The following PCP4L1 variants were observed in gnomAD, a reference collection of about 807,000 sequenced individuals.
The protein encoded by PCP4L1 is Purkinje cell protein 4 like 1.
PCP4L1 carries 9 observed loss-of-function variants against 9.6 expected under a neutral mutation model. The ratio of observed to expected loss-of-function variants is 0.94; its 90% confidence interval spans 0.57 to 1.64. The LOEUF is 1.64. Among genes scored for constraint, PCP4L1 ranks in the 40% most tolerant of loss-of-function variants. PCP4L1 has a pLI of 0.00. For missense variants in PCP4L1, 81 were observed against 80.8 expected, an observed-to-expected ratio of 1.00 and a Z score of -0.01; for synonymous variants, 31 against 28.2, an observed-to-expected ratio of 1.10 and a Z score of -0.31.
At chr1:161,260,784 G>A (rs1056965596) in intron 1 of PCP4L1, among the ~76,000 whole-genome samples, 3 of 152,172 alleles carry the variant, frequency 2.0e-5, no homozygotes, top group African/African-American at 7.2e-5. Flanking sequence ...GATGAGAGAA[G>A]GATCCACGGA....
chr1:161,283,312 A>G (rs1205722039), intron 1 of PCP4L1, among the ~76,000 whole-genome samples: 1 of 152,086 alleles, frequency 6.6e-6, no homozygotes, highest in Non-Finnish European at 1.5e-5. Flanking sequence ...GTATTCCTCC[A>G]TTTCCACCCC....
chr1:161,258,938 G>A lies in PCP4L1; in HGVS notation c.-37G>A. The A allele has an allele frequency of 1.3e-6, 2 of 1,534,874 alleles. No homozygotes were observed. The highest frequency in any genetic ancestry group is 1.7e-6 in the Non-Finnish European group (2 of 1,146,174). On this transcript the variant is annotated 5_prime_UTR_variant, in exon 1 of 3. Transcript: ENST00000504449. Reference sequence around the variant, plus strand: ...CCCGAGGGCCACTCGCCTCACCTGTGCGTGCAGCGCCTCGCGCGCCCTGTC... The same window carrying A: ...CCCGAGGGCCACTCGCCTCACCTGTACGTGCAGCGCCTCGCGCGCCCTGTC...
In PCP4L1 at chr1:161,259,097, T is replaced by C. The variant is rs1168078274; in HGVS notation, c.9+114T>C. Reference sequence around the variant, plus strand: ...GGCAGACCGGAGCCGCGAAGAACCCTCCAGGGGCGCCCCACTGCCCTCCTA... The same window carrying C: ...GGCAGACCGGAGCCGCGAAGAACCCCCCAGGGGCGCCCCACTGCCCTCCTA... On this transcript the variant is annotated intron_variant, in intron 1 of 2. Transcript: ENST00000504449. 16 of 1,404,756 alleles carry C rather than the reference T, an allele frequency of 1.1e-5. No individual in the cohort carries two copies. In the East Asian group the frequency reaches 4.3e-4, roughly 37 times the overall value. 87.0% of individuals were successfully genotyped at this position (1,404,756 alleles called of 1,614,324 possible). A position where few individuals can be genotyped will look rare whatever the true frequency, so the allele number is the denominator to read the frequency against.
intron 1 of PCP4L1, among the ~76,000 whole-genome samples, chr1:161,283,058 C>T (rs1437745183): frequency 6.6e-6 from 1 of 152,124 alleles, no homozygotes; most frequent in Non-Finnish European, 1.5e-5. Context: ...ACTTCTAAAG[C>T]CCTACATAAT....
chr1:161,284,363 C>CGGAGGA lies in PCP4L1; in HGVS notation c.100_105dup (p.Glu34_Glu35dup). ...GGAAAAGCTGGCAATGTCAAGAAGG[C>CGGAGGA]GGAGGAGGAGGAGGAGATTGACATT... On this transcript the variant is annotated inframe_insertion, in exon 3 of 3. Coordinates refer to ENST00000504449, the MANE Select transcript of PCP4L1 (RefSeq NM_001102566.2). The CGGAGGA allele has an allele frequency of 6.2e-7, 1 of 1,613,640 alleles. No individual in the cohort carries two copies.
rs1669364916 is a variant in PCP4L1 at position 161,258,830 on chromosome 1, G to A, written c.-145G>A. On this transcript the variant is annotated 5_prime_UTR_variant, in exon 1 of 3. Coordinates refer to ENST00000504449, the MANE Select transcript of PCP4L1 (RefSeq NM_001102566.2). ...CCCGGGTGCCAGCACCAGAGCAGCG[G>A]CTCTCCGCACTAACTCTCCTCTCCT... is the stretch of plus-strand genomic sequence containing the variant. The A allele has an allele frequency of 1.6e-6, 2 of 1,267,698 alleles. No individual in the cohort carries two copies. 78.5% of individuals were successfully genotyped at this position (1,267,698 alleles called of 1,614,324 possible).
intron 1 of PCP4L1, among the ~76,000 whole-genome samples, chr1:161,269,762 G>A (rs1299686424): frequency 6.6e-6 from 1 of 152,188 alleles, no homozygotes; most frequent in Non-Finnish European, 1.5e-5. Flanking sequence ...ACTTTGGGAG[G>A]CCGAGGCAGG....
At chr1:161,259,052 A>G (rs1261589906) in intron 1 of PCP4L1, 69 bp downstream of exon 1, 4 of 1,511,934 alleles carry the variant, frequency 2.6e-6, no homozygotes, top group Non-Finnish European at 3.5e-6. Flanking sequence ...TCGGGATCCC[A>G]GGGAGGCGAG....
At chr1:161,275,543 G>T (rs1205918596) in intron 1 of PCP4L1, among the ~76,000 whole-genome samples, 1 of 149,768 alleles carries the variant, frequency 6.7e-6, no homozygotes, top group African/African-American at 2.5e-5. Flanking sequence ...AAGAATCAGA[G>T]TCCAGATTTT....
At chr1:161,272,336 G>A (rs993943435) in intron 1 of PCP4L1, among the ~76,000 whole-genome samples, 1 of 151,692 alleles carries the variant, frequency 6.6e-6, no homozygotes, top group Non-Finnish European at 1.5e-5. Flanking sequence ...GAGGCGGGTA[G>A]ATCATGAGGT....
chr1:161,268,893 C>T (rs537916985), intron 1 of PCP4L1, among the ~76,000 whole-genome samples: 123 of 152,200 alleles, frequency 8.1e-4, no homozygotes, highest in African/African-American at 2.8e-3. Context: ...TGCAGATGAG[C>T]GATCTGAGCA....
chr1:161,280,357 C>A (rs1387859812), intron 1 of PCP4L1, among the ~76,000 whole-genome samples: 1 of 152,180 alleles, frequency 6.6e-6, no homozygotes, highest in African/African-American at 2.4e-5. Context: ...CACCCCCTCT[C>A]TCCTATTCCA....
Position 161,258,806 on chromosome 1 carries a change from C to A in PCP4L1, c.-169C>A, listed in dbSNP as rs1669364349. 1.9e-6 allele frequency: 2 copies of A among 1,080,954 alleles called. No homozygotes were observed. The highest frequency in any genetic ancestry group is 1.6e-5 in the African/African-American group (1 of 62,728). The allele number at this position is 1,080,954 out of a possible 1,614,324, so 67.0% of individuals were successfully genotyped here. On this transcript the variant is annotated 5_prime_UTR_variant, in exon 1 of 3. Transcript: ENST00000504449. ...TGGCCGGAGCTGGGCTCCGAGAATCCCGGGTGCCAGCACCAGAGCAGCGGC... is the reference window on the plus strand; with the variant it reads ...TGGCCGGAGCTGGGCTCCGAGAATCACGGGTGCCAGCACCAGAGCAGCGGC...
chr1:161,273,307 CTATT>C (rs938894599), intron 1 of PCP4L1, among the ~76,000 whole-genome samples: 2 of 152,182 alleles, frequency 1.3e-5, no homozygotes, highest in Non-Finnish European at 2.9e-5. Flanking sequence ...TGTTTGGTAT[CTATT>C]GAGAAGTGAG....
intron 1 of PCP4L1, among the ~76,000 whole-genome samples, chr1:161,278,471 G>A (rs111740412): frequency 1.2e-4 from 18 of 149,712 alleles, no homozygotes; most frequent in East Asian, 3.9e-4. Context: ...GTCTCGCTAT[G>A]TTGCCTGGGC....
rs1669813717 is a variant in PCP4L1, at chr1:161,281,767, GGC to G, written c.10-1898_10-1897del. On this transcript the variant is annotated intron_variant, in intron 1 of 2. Coordinates refer to ENST00000504449, the MANE Select transcript of PCP4L1 (RefSeq NM_001102566.2). ...CCAGACGGGGTCACGGCCGGGCAGA[GGC>G]GCTCCTCACATCCCGGACGGGGCGG... Among the ~76,000 whole-genome samples the G allele has an allele frequency of 1.0e-4, 3 of 29,644 alleles. 1 individual carries two copies. The highest frequency in any genetic ancestry group is 1.0e-3 in the African/African-American group (3 of 2,984). 19.4% of individuals were successfully genotyped at this position (29,644 alleles called of 152,430 possible).
In PCP4L1 at chr1:161,284,561, T is replaced by G; in HGVS notation, c.*80T>G. On this transcript the variant is annotated 3_prime_UTR_variant, in exon 3 of 3. Transcript: ENST00000504449. ...CTCCACACCCATGTATCTTTATCCC[T>G]TGTCCCTCTAGCCTTTCCTTGAGGC... 6.5e-7 allele frequency: 1 copy of G among 1,540,386 alleles called. No homozygotes were observed. Among genetic ancestry groups the G allele is most frequent in the South Asian group, 1.2e-5 (1 of 83,000 alleles).
chr1:161,274,627 T>C (rs1669671702), intron 1 of PCP4L1, among the ~76,000 whole-genome samples: 1 of 152,122 alleles, frequency 6.6e-6, no homozygotes, highest in Non-Finnish European at 1.5e-5. Context: ...TCATCTAAAA[T>C]TGCTGCGTTT....
intron 1 of PCP4L1, among the ~76,000 whole-genome samples, chr1:161,266,277 G>C (rs969496628): frequency 1.2e-4 from 18 of 152,146 alleles, no homozygotes; most frequent in African/African-American, 4.3e-4. Flanking sequence ...TGCTTTGTAG[G>C]CTGCAGCGGG....
Sources: gnomAD v4.1 joint callset for allele counts (sites outside exome capture counted in the v4.1 genomes callset) on GRCh38, gnomAD v4.1.1 for gene constraint, MANE v1.5 for transcripts, NCBI Gene and HGNC (gene_info 2026-07-23, HGNC 2026-07-21) for gene names.